Variants in VWF observed in about 807,000 individuals in gnomAD.
VWF encodes the protein Factor VIII related antigen.
A neutral mutation model predicts 308.6 loss-of-function variants in VWF; 176 were observed. That is an observed-to-expected ratio of 0.57 (90% confidence interval 0.50 to 0.65). The LOEUF (loss-of-function observed/expected upper bound fraction) is 0.65, where lower values mean the gene tolerates loss of function less well. VWF is among the 30% of genes least tolerant of loss of function. VWF has a pLI of 0.00. For synonymous variants in VWF, 1,385 were observed against 1,443.4 expected (o/e 0.96, Z 0.92); for missense variants, 3,146 against 3,648.2 (o/e 0.86, Z 3.55).
chr12:6,072,431 G>A lies in VWF; in HGVS notation c.1009C>T (p.Leu337=), dbSNP rs760387797. The change falls in exon 9 of 52, where the codon CTG becomes TTG. Residue 337 remains leucine, a synonymous_variant. Transcript: ENST00000261405. ...CTCTCCACGCAGAGGCCTTCATCCA[G>A]GAGCTGTCCCTCTGGGGTCAAGGGC... The part of the protein sequence containing the change: ...DGCSCPEGQL[L]DEGLCVESTE... 8.7e-6 allele frequency: 14 copies of A among 1,614,056 alleles called. No homozygotes were observed. The highest frequency in any genetic ancestry group is 6.7e-5 in the Admixed American group (4 of 60,024).
chr12:6,073,111 C>T (rs1944799346), intron 8 of VWF, among the ~76,000 whole-genome samples: 1 of 152,178 alleles, frequency 6.6e-6, no homozygotes, highest in Non-Finnish European at 1.5e-5. Context: ...AAGTGATCCG[C>T]CCATCTCGGC....
intron 21 of VWF, among the ~76,000 whole-genome samples, chr12:6,030,594 C>T (rs1049660895): frequency 5.9e-5 from 9 of 152,194 alleles, no homozygotes; most frequent in African/African-American, 2.2e-4. Context: ...CCACCCAGAC[C>T]TACTGAGTCA....
At chr12:6,109,337 A>AAC (rs1483365462) in intron 5 of VWF, among the ~76,000 whole-genome samples, 1 of 151,844 alleles carries the variant, frequency 6.6e-6, no homozygotes, top group Non-Finnish European at 1.5e-5. Context: ...TATTTACACA[A>AAC]ACACACACAC....
chr12:6,028,768 C>T (rs1274107412), intron 22 of VWF, among the ~76,000 whole-genome samples: 1 of 152,144 alleles, frequency 6.6e-6, no homozygotes. Flanking sequence ...AAGCACTAAA[C>T]ATGGAAAGAA....
intron 47 of VWF, among the ~76,000 whole-genome samples, chr12:5,955,338 C>T (rs913944940): frequency 3.3e-5 from 5 of 152,014 alleles, no homozygotes; most frequent in Non-Finnish European, 7.4e-5. Context: ...TTTAGCATTA[C>T]GTATATCTCC....
rs951819084 is a variant in VWF at position 6,060,707 on chromosome 12, C to T, written c.1533+2247G>A. Among the ~76,000 whole-genome samples the T allele has an allele frequency of 9.2e-5, 14 of 152,152 alleles. No homozygotes were observed. The highest frequency in any genetic ancestry group is 7.9e-4 in the Admixed American group (12 of 15,274). On this transcript the variant is annotated intron_variant, in intron 13 of 51. Transcript: ENST00000261405. The surrounding 1 kb of genome is among the most constrained non-coding windows in gnomAD (Gnocchi z 5.1). ...TTCTTGTTAGCTAAACTGACACAAACCCACCCCAAAGATAACCCTACATCC... is the reference window on the plus strand; with the variant it reads ...TTCTTGTTAGCTAAACTGACACAAATCCACCCCAAAGATAACCCTACATCC...
intron 5 of VWF, among the ~76,000 whole-genome samples, chr12:6,107,362 A>G (rs933111613): frequency 2.6e-5 from 4 of 152,344 alleles, no homozygotes; most frequent in Admixed American, 1.3e-4. Context: ...CGCTTTTGCG[A>G]AAACTCAGAG....
chr12:5,967,649 C>T lies in VWF; in HGVS notation c.7771-47G>A, dbSNP rs201651292. On this transcript the variant is annotated intron_variant, in intron 46 of 51. Transcript: ENST00000261405. The stretch of plus-strand genomic sequence containing the variant: ...TCAGGCCCCCCAGCATCCCCCAACC[C>T]CCCACTCACCTCACTCTCATACCCT... 3.0e-4 allele frequency: 459 copies of T among 1,536,038 alleles called. 2 individuals carry two copies. In the African/African-American group the frequency reaches 5.8e-3, roughly 19 times the overall value.
intron 6 of VWF, among the ~76,000 whole-genome samples, chr12:6,092,578 GTGCA>G (rs1159807538): frequency 2.2e-5 from 3 of 134,140 alleles, no homozygotes; most frequent in African/African-American, 3.4e-5. Flanking sequence ...GTGTGCGTGC[GTGCA>G]TGCCACCATG....
At position 6,063,005 on chromosome 12, in the gene VWF, G is replaced by A. The variant is rs760898182; in HGVS notation, c.1482C>T (p.Tyr494=). The A allele has an allele frequency of 8.7e-5, 141 of 1,613,460 alleles. No individual in the cohort carries two copies. The highest frequency in any genetic ancestry group is 4.9e-4 in the South Asian group (45 of 91,078). Residue 494 remains tyrosine (Y), a synonymous_variant, in exon 13 of 52, where the codon TAC becomes TAT. Transcript: ENST00000261405. This position sits in a 1 kb window ranked among gnomAD's most constrained non-coding sequence, Gnocchi z 4.9. ...CCCAGTCCATCTGCAGGTCCTCCCC[G>A]TAGCTGAGGCGCACGGAGGCCGTCA... ...HTVTASVRLS[Y]GEDLQMDWDG...
At chr12:5,991,185 A>T (rs1474925584) in intron 38 of VWF, among the ~76,000 whole-genome samples, 2 of 134,628 alleles carry the variant, frequency 1.5e-5, no homozygotes, top group African/African-American at 2.6e-5. Context: ...ACACACACAC[A>T]CACACACACA....
chr12:5,968,345 G>A (rs909363959), intron 45 of VWF, 178 bp from the exon 46 acceptor site: 16 of 661,988 alleles, frequency 2.4e-5, no homozygotes, highest in South Asian at 1.6e-4. Context: ...AGCCCACAGC[G>A]GCCTCCCTTC....
chr12:6,008,014 C>T (rs1421567795), intron 34 of VWF, among the ~76,000 whole-genome samples: 1 of 152,156 alleles, frequency 6.6e-6, no homozygotes, highest in African/African-American at 2.4e-5. Context: ...AAAATCTGAA[C>T]AGCCCCATCA....
intron 20 of VWF, among the ~76,000 whole-genome samples, chr12:6,032,008 G>A (rs1478368724): frequency 2.0e-5 from 3 of 152,160 alleles, no homozygotes; most frequent in Non-Finnish European, 4.4e-5. Flanking sequence ...GAATCCCTCT[G>A]CACTGCTGGC....
chr12:5,964,246 A>ATACATACATACATACATACATG (rs1565811138), intron 47 of VWF, among the ~76,000 whole-genome samples: 45 of 133,168 alleles, frequency 3.4e-4, no homozygotes, highest in Non-Finnish European at 5.3e-4. Context: ...ATACATACAT[A>ATACATACATACATACATACATG]CATGCATACA....
chr12:6,116,362 C>G (rs1350253355), intron 3 of VWF, among the ~76,000 whole-genome samples: 1 of 152,192 alleles, frequency 6.6e-6, no homozygotes, highest in African/African-American at 2.4e-5. Flanking sequence ...AGGCCAGGAG[C>G]TGGAACTACC....
rs1018568457 is a variant in VWF, at chr12:5,974,057, G to A, written c.7437+2054C>T. On this transcript the variant is annotated intron_variant, in intron 43 of 51. Transcript: ENST00000261405. ...TGTGTTTCTGCAGACTGTGGCTTCA[G>A]GGTGATGATGGTAGTGTTGTTCTTT... 9.8e-5 allele frequency among the ~76,000 whole-genome samples: 15 copies of A among 152,338 alleles called. No homozygotes were observed. In the South Asian group the frequency reaches 3.1e-3, roughly 32 times the overall value.
intron 41 of VWF, among the ~76,000 whole-genome samples, chr12:5,982,271 C>G (rs1320585654): frequency 2.6e-5 from 4 of 152,206 alleles, no homozygotes; most frequent in Non-Finnish European, 5.9e-5. Context: ...CCACATACAT[C>G]TGGAAGGGGC....
chr12:6,002,098 A>G (rs1036426749), intron 34 of VWF, among the ~76,000 whole-genome samples: 1 of 152,108 alleles, frequency 6.6e-6, no homozygotes, highest in Non-Finnish European at 1.5e-5. Flanking sequence ...AGGAAAATTC[A>G]TAACAGTAAA....
Sources: allele counts gnomAD v4.1 joint callset (sites outside exome capture counted in the v4.1 genomes callset), GRCh38; gene constraint gnomAD v4.1.1; non-coding constraint Gnocchi (gnomAD v3.1); transcripts MANE v1.5; gene names NCBI Gene and HGNC (gene_info 2026-07-23, HGNC 2026-07-21).